PRKG1: variants seen among roughly 807,000 people sequenced by gnomAD.
The protein encoded by PRKG1 is protein kinase cGMP-dependent 1, also known as cGMP-dependent protein kinase 1.
A neutral mutation model predicts 88.1 loss-of-function variants in PRKG1; 35 were observed. That is an observed-to-expected ratio of 0.40 (90% CI 0.30 to 0.53). The LOEUF is 0.53. PRKG1 is among the 20% of genes least tolerant of loss of function. The pLI is 0.59. For missense variants in PRKG1, 540 were observed against 839.8 expected (o/e 0.64, Z 4.41); for synonymous variants, 303 against 292.5 (o/e 1.04, Z -0.37).
chr10:52,220,263 C>T (rs970620133), intron 9 of PRKG1, among the ~76,000 whole-genome samples: 4 of 152,110 alleles, frequency 2.6e-5, no homozygotes, highest in Admixed American at 6.6e-5. Flanking sequence ...ATCATGAAGA[C>T]ACTTAGGCAA....
chr10:51,458,140 GA>G (rs1253238802), intron 2 of PRKG1, among the ~76,000 whole-genome samples: 1 of 152,090 alleles, frequency 6.6e-6, no homozygotes, highest in Non-Finnish European at 1.5e-5. Context: ...CATAAAATGG[GA>G]AAAAATACAT....
At chr10:52,046,337 C>A (rs1021747651) in intron 5 of PRKG1, among the ~76,000 whole-genome samples, 3 of 151,988 alleles carry the variant, frequency 2.0e-5, no homozygotes, top group African/African-American at 7.2e-5. Context: ...GTATTTGTAC[C>A]TTTACAAACA....
At chr10:51,719,679 C>A (rs568146426) in intron 3 of PRKG1, among the ~76,000 whole-genome samples, 17 of 152,186 alleles carry the variant, frequency 1.1e-4, no homozygotes, top group Admixed American at 5.9e-4. Context: ...TATAGATGTA[C>A]CCATTTTTCA....
intron 9 of PRKG1, among the ~76,000 whole-genome samples, chr10:52,171,492 C>A (rs1464992658): frequency 6.6e-6 from 1 of 152,026 alleles, no homozygotes; most frequent in Non-Finnish European, 1.5e-5. Flanking sequence ...ATATAGGGGA[C>A]GAAAATATTT....
chr10:51,527,536 TA>T (rs1225885939), intron 3 of PRKG1, among the ~76,000 whole-genome samples: 1 of 152,102 alleles, frequency 6.6e-6, no homozygotes, highest in Admixed American at 6.6e-5. Flanking sequence ...GAAAAAAAAG[TA>T]TATGAGTAAG....
chr10:51,311,676 C>T (rs1052208227), intron 2 of PRKG1, among the ~76,000 whole-genome samples: 2 of 152,192 alleles, frequency 1.3e-5, no homozygotes, highest in Non-Finnish European at 2.9e-5. Context: ...GTAGGTTCAA[C>T]CAACCAAATT....
chr10:51,345,595 A>G (rs967938349), intron 2 of PRKG1, among the ~76,000 whole-genome samples: 1 of 152,178 alleles, frequency 6.6e-6, no homozygotes, highest in Non-Finnish European at 1.5e-5. Flanking sequence ...TTGCTCTAAA[A>G]TGCCAAATTT....
chr10:51,347,927 G>T (rs935757706), intron 2 of PRKG1, among the ~76,000 whole-genome samples: 4 of 151,990 alleles, frequency 2.6e-5, no homozygotes, highest in African/African-American at 9.7e-5. Context: ...GCCGGGCATG[G>T]TGGCGGGTGC....
chr10:51,841,703 TAC>T (rs1302914890), intron 4 of PRKG1, among the ~76,000 whole-genome samples: 2 of 152,094 alleles, frequency 1.3e-5, no homozygotes, highest in Non-Finnish European at 2.9e-5. Context: ...TCATTTTTGA[TAC>T]AGAGTCTCGC....
chr10:51,098,036 T>G (rs1255899706), intron 1 of PRKG1, among the ~76,000 whole-genome samples: 1 of 152,212 alleles, frequency 6.6e-6, no homozygotes, highest in Admixed American at 6.5e-5. Flanking sequence ...GTTCTCACTA[T>G]GCCCCTTAGC....
At chr10:52,094,958 G>T (rs1293094117) in intron 7 of PRKG1, among the ~76,000 whole-genome samples, 1 of 152,254 alleles carries the variant, frequency 6.6e-6, no homozygotes, top group East Asian at 1.9e-4. Context: ...TTCTTGTAGG[G>T]TTCAAACTCC....
At chr10:51,270,788 A>G (rs1839959420) in intron 2 of PRKG1, among the ~76,000 whole-genome samples, 1 of 152,114 alleles carries the variant, frequency 6.6e-6, no homozygotes, top group Non-Finnish European at 1.5e-5. Context: ...TCCACTCCCT[A>G]GTTGTCATGA....
chr10:52,022,313 C>G (rs1393875738), intron 5 of PRKG1, among the ~76,000 whole-genome samples: 1 of 152,084 alleles, frequency 6.6e-6, no homozygotes, highest in Non-Finnish European at 1.5e-5. Flanking sequence ...GGACATAACC[C>G]CATCGTAAGT....
intron 1 of PRKG1, among the ~76,000 whole-genome samples, chr10:51,032,495 A>C (rs1843296825): frequency 6.6e-6 from 1 of 152,132 alleles, no homozygotes; most frequent in Non-Finnish European, 1.5e-5. Flanking sequence ...ATGGTGGCTC[A>C]CACCTGTAAT....
chr10:51,855,603 A>C (rs1325964677), intron 4 of PRKG1, among the ~76,000 whole-genome samples: 2 of 152,164 alleles, frequency 1.3e-5, no homozygotes, highest in African/African-American at 2.4e-5. Flanking sequence ...CCCAGGCAAC[A>C]AATTATTTTC....
At chr10:52,079,922 G>A (rs1197425213) in intron 7 of PRKG1, among the ~76,000 whole-genome samples, 1 of 152,168 alleles carries the variant, frequency 6.6e-6, no homozygotes, top group Non-Finnish European at 1.5e-5. Context: ...GCTAATAAGT[G>A]CTAGGGCAGG....
chr10:51,340,864 G>A (rs956314063), intron 2 of PRKG1, among the ~76,000 whole-genome samples: 3 of 152,210 alleles, frequency 2.0e-5, no homozygotes, highest in African/African-American at 7.2e-5. Flanking sequence ...GATGGGGTAA[G>A]AGGGTCATTT....
chr10:51,299,186 C>T (rs1170706918), intron 2 of PRKG1, among the ~76,000 whole-genome samples: 1 of 151,838 alleles, frequency 6.6e-6, no homozygotes, highest in Non-Finnish European at 1.5e-5. Flanking sequence ...CTCTTTTTGC[C>T]CATTCTTTTT....
intron 3 of PRKG1, among the ~76,000 whole-genome samples, chr10:51,571,585 C>T (rs1199627621): frequency 1.3e-5 from 2 of 151,934 alleles, no homozygotes; most frequent in Non-Finnish European, 2.9e-5. Flanking sequence ...GAAGTTTTCA[C>T]GAGCTCTTGG....
Sources: allele counts gnomAD v4.1 joint callset (sites outside exome capture counted in the v4.1 genomes callset), GRCh38; gene constraint gnomAD v4.1.1; transcripts MANE v1.5; gene names NCBI Gene and HGNC (gene_info 2026-07-23, HGNC 2026-07-21).